LRBA: variants seen among roughly 807,000 people sequenced by gnomAD.
LRBA encodes LPS responsive beige-like anchor protein.
A neutral mutation model predicts 330.0 loss-of-function variants in LRBA; 176 were observed. The observed-to-expected ratio is 0.53, with a 90% CI of 0.47 to 0.60. The LOEUF is 0.60. Among genes scored for constraint, LRBA ranks in the 20% least tolerant of loss-of-function variants. The pLI is 0.00. For synonymous variants in LRBA, 1,230 were observed against 1,193.0 expected (o/e 1.03, Z -0.64); for missense variants, 3,259 against 3,444.8 (o/e 0.95, Z 1.35).
intron 48 of LRBA, among the ~76,000 whole-genome samples, chr4:150,331,990 T>C (rs1734061634): frequency 6.6e-6 from 1 of 152,182 alleles, no homozygotes; most frequent in Non-Finnish European, 1.5e-5. Flanking sequence ...TATTGAGTTG[T>C]GAGGATTAAA....
At chr4:150,412,377 A>C (rs1048992835) in intron 47 of LRBA, among the ~76,000 whole-genome samples, 2 of 152,216 alleles carry the variant, frequency 1.3e-5, no homozygotes, top group Non-Finnish European at 2.9e-5. Context: ...AATCATGCCC[A>C]AGTTTAGAGC....
chr4:151,011,056 G>A (rs1224097327), intron 2 of LRBA, among the ~76,000 whole-genome samples: 4 of 151,060 alleles, frequency 2.6e-5, no homozygotes, highest in African/African-American at 4.9e-5. Flanking sequence ...GCGTGGTGGC[G>A]GGCACCTGTA....
At chr4:150,316,092 A>G (rs1731686660) in intron 50 of LRBA, among the ~76,000 whole-genome samples, 1 of 152,218 alleles carries the variant, frequency 6.6e-6, no homozygotes, top group African/African-American at 2.4e-5. Flanking sequence ...TTAGTGTTTC[A>G]TCCATCACTT....
At chr4:150,371,416 C>T (rs1740299765) in intron 47 of LRBA, among the ~76,000 whole-genome samples, 2 of 152,056 alleles carry the variant, frequency 1.3e-5, no homozygotes, top group South Asian at 4.1e-4. Context: ...TGGTCTCAAA[C>T]TCCTGACCTC....
intron 5 of LRBA, among the ~76,000 whole-genome samples, chr4:150,920,683 T>C (rs999949958): frequency 2.0e-5 from 3 of 152,192 alleles, no homozygotes; most frequent in Non-Finnish European, 2.9e-5. Context: ...ATTACAGATA[T>C]CACTATTATA....
At chr4:150,967,518 T>C (rs1402406868) in intron 2 of LRBA, among the ~76,000 whole-genome samples, 2 of 152,252 alleles carry the variant, frequency 1.3e-5, no homozygotes, top group Non-Finnish European at 1.5e-5. Flanking sequence ...TAGATACTGC[T>C]TTGAATTTTT....
chr4:150,654,426 C>T lies in LRBA; in HGVS notation c.5921+29125G>A, dbSNP rs796588317. 5.9e-5 allele frequency among the ~76,000 whole-genome samples: 9 copies of T among 152,196 alleles called. No individual in the cohort carries two copies. In the East Asian group the frequency reaches 7.7e-4, roughly 13 times the overall value. ...CTTGTCTCGAACTCATGACCTCACG[C>T]GATCCACCCATCTTGGCCTCCCAAA... On this transcript the variant is annotated intron_variant, in intron 37 of 56. Transcript: ENST00000651943.
At chr4:150,375,886 G>T (rs1741238745) in intron 47 of LRBA, among the ~76,000 whole-genome samples, 2 of 151,940 alleles carry the variant, frequency 1.3e-5, no homozygotes, top group Admixed American at 1.3e-4. Context: ...GGCTCTATGT[G>T]GTATTGCAGG....
intron 35 of LRBA, among the ~76,000 whole-genome samples, chr4:150,739,898 G>A (rs75873559): frequency 1.4e-3 from 216 of 152,238 alleles, no homozygotes; most frequent in African/African-American, 5.1e-3. Flanking sequence ...CTGCAACTCT[G>A]GCCAGCACCT....
At position 150,327,314 on chromosome 4, in the gene LRBA, G is replaced by C. The variant is rs192669117; in HGVS notation, c.7363-1416C>G. Among the ~76,000 whole-genome samples, 270 of 152,106 alleles carry C rather than the reference G, an allele frequency of 1.8e-3. 3 individuals are homozygous for C. Among genetic ancestry groups the C allele is most frequent in the African/African-American group, 6.2e-3 (258 of 41,486 alleles). ...GTGTGCCTCAAGTCCCAGATACTTA[G>C]GAGGCTGAAGTAGGAGAACAGCTTG... On this transcript the variant is annotated intron_variant, in intron 48 of 56. Transcript: ENST00000651943.
At chr4:151,006,268 G>A (rs901647932) in intron 2 of LRBA, among the ~76,000 whole-genome samples, 5 of 152,170 alleles carry the variant, frequency 3.3e-5, no homozygotes, top group African/African-American at 4.8e-5. Flanking sequence ...GGAGGCTGCC[G>A]TGAGCTGAGA....
chr4:150,402,289 T>C (rs1285494313), intron 47 of LRBA, among the ~76,000 whole-genome samples: 1 of 151,898 alleles, frequency 6.6e-6, no homozygotes, highest in Non-Finnish European at 1.5e-5. Context: ...AAGAACTTAT[T>C]TTAAGAACAA....
At chr4:150,489,634 A>G (rs1264598089) in intron 41 of LRBA, among the ~76,000 whole-genome samples, 14 of 121,414 alleles carry the variant, frequency 1.2e-4, no homozygotes, top group African/African-American at 4.5e-4. Context: ...TATATAATAT[A>G]TAAGAATATA....
intron 38 of LRBA, among the ~76,000 whole-genome samples, chr4:150,592,144 G>GTTTTTT (rs10685627): frequency 2.9e-4 from 19 of 65,190 alleles, no homozygotes; most frequent in South Asian, 7.4e-4. Flanking sequence ...GATGGCTAGG[G>GTTTTTT]TTTTTTTTTT....
At chr4:150,837,326 C>A (rs984632919) in intron 28 of LRBA, among the ~76,000 whole-genome samples, 1 of 152,136 alleles carries the variant, frequency 6.6e-6, no homozygotes, top group Admixed American at 6.5e-5. Flanking sequence ...TGGTGCAGAG[C>A]TGAGTTCAAT....
intron 53 of LRBA, among the ~76,000 whole-genome samples, chr4:150,287,885 G>T (rs1175907724): frequency 2.0e-5 from 3 of 152,056 alleles, no homozygotes; most frequent in Non-Finnish European, 4.4e-5. Context: ...TGTCACAAGA[G>T]CAATTTTGTT....
intron 2 of LRBA, among the ~76,000 whole-genome samples, chr4:150,985,891 T>C (rs1024226126): frequency 2.0e-5 from 3 of 152,212 alleles, no homozygotes; most frequent in Non-Finnish European, 2.9e-5. Context: ...TCCAAATGAT[T>C]CTTTACTATC....
At chr4:150,939,077 C>T (rs1199477111) in intron 2 of LRBA, among the ~76,000 whole-genome samples, 4 of 152,092 alleles carry the variant, frequency 2.6e-5, no homozygotes, top group African/African-American at 9.7e-5. Flanking sequence ...CACAGAACAG[C>T]CTATTCCCTG....
At chr4:150,562,189 C>T (rs1857750) in intron 40 of LRBA, among the ~76,000 whole-genome samples, 80,934 of 151,852 alleles carry the variant, frequency 0.53, 21,578 homozygotes, top group East Asian at 0.61. Flanking sequence ...ATGCCTTTTA[C>T]CCTTGTCTAC....
Sources: gnomAD v4.1 joint callset for allele counts (sites outside exome capture counted in the v4.1 genomes callset) on GRCh38, gnomAD v4.1.1 for gene constraint, MANE v1.5 for transcripts, NCBI Gene and HGNC (gene_info 2026-07-23, HGNC 2026-07-21) for gene names.